ZFYVE28: variants seen among roughly 807,000 people sequenced by gnomAD.
ZFYVE28 encodes the protein zinc finger FYVE-type containing 28.
Under a neutral mutation model 82.1 loss-of-function variants are expected in ZFYVE28, and 40 were observed. That is an observed-to-expected ratio of 0.49 (90% CI 0.38 to 0.63). ZFYVE28 has a LOEUF of 0.63. Ranked by LOEUF, ZFYVE28 falls within the 30% of genes least tolerant of loss-of-function variation. The pLI is 0.00. For missense variants in ZFYVE28, 1,321 were observed against 1,242.1 expected (o/e 1.06, Z -0.96); for synonymous variants, 612 against 546.1 (o/e 1.12, Z -1.68).
rs192640959 is a variant in ZFYVE28, at chr4:2,398,142, C to A, written c.39+20143G>T. ...CGGCTGGAGATACAAGTGTGAGGCA[C>A]CAAGGGCAAGGGACCTAGAGCTGGT... On this transcript the variant is annotated intron_variant, in intron 1 of 12. Transcript: ENST00000290974. 3.7e-4 allele frequency among the ~76,000 whole-genome samples: 57 copies of A among 152,276 alleles called. 1 individual carries two copies. The highest frequency in any genetic ancestry group is 3.4e-3 in the Admixed American group (52 of 15,306).
chr4:2,280,899 G>A (rs974788769), intron 8 of ZFYVE28, among the ~76,000 whole-genome samples: 3 of 152,256 alleles, frequency 2.0e-5, no homozygotes, highest in Non-Finnish European at 4.4e-5. Flanking sequence ...CCCTGGAGAT[G>A]AGAAATCAGG....
rs1718861465 is a variant in ZFYVE28, at chr4:2,320,141, TC to T, written c.803+28del. 7.0e-6 allele frequency: 5 copies of T among 712,790 alleles called. No homozygotes were observed. The highest frequency in any genetic ancestry group is 1.2e-5 in the Non-Finnish European group (5 of 434,490). The allele number at this position is 712,790 out of a possible 1,614,324, so 44.2% of individuals were successfully genotyped here. ...CTGTGGCCCTCCTGTCCCCCTCCCC[TC>T]CCCCACCTCCTCTAGCTCCATCCCC... On this transcript the variant is annotated intron_variant, in intron 7 of 12. Transcript: ENST00000290974. This position sits in a 1 kb window ranked among gnomAD's most constrained non-coding sequence, Gnocchi z 5.1.
At position 2,409,151 on chromosome 4, in the gene ZFYVE28, TAC is replaced by T. The variant is rs1444930099; in HGVS notation, c.39+9132_39+9133del. 7.5e-6 allele frequency among the ~76,000 whole-genome samples: 1 copy of T among 132,908 alleles called. No homozygotes were observed. The highest frequency in any genetic ancestry group is 1.6e-5 in the Non-Finnish European group (1 of 63,268). The allele number at this position is 132,908 out of a possible 152,430, so 87.2% of individuals were successfully genotyped here. A position where few individuals can be genotyped will look rare whatever the true frequency, so the allele number is the denominator to read the frequency against. ...CCATCAAACACACTGTCCAAACCCCTACTTCTGCACCCCCATCTCCACCCTCC... is the reference window on the plus strand; with the variant it reads ...CCATCAAACACACTGTCCAAACCCCTTTCTGCACCCCCATCTCCACCCTCC... On this transcript the variant is annotated intron_variant, in intron 1 of 12. Transcript: ENST00000290974. This position sits in a 1 kb window ranked among gnomAD's most constrained non-coding sequence, Gnocchi z 4.4.
At chr4:2,330,371 G>A in intron 6 of ZFYVE28, 1 of 1,001,088 alleles carries the variant, frequency 1.0e-6, no homozygotes, top group Non-Finnish European at 1.2e-6. Context: ...CATCGCAGAG[G>A]GAGGTACAGC....
chr4:2,353,058 G>C (rs1053482846), intron 2 of ZFYVE28, among the ~76,000 whole-genome samples: 66 of 152,242 alleles, frequency 4.3e-4, no homozygotes, highest in Non-Finnish European at 8.2e-4. Context: ...CAGAACATCT[G>C]TGGGAACATC....
At chr4:2,381,213 A>C (rs1489076948) in intron 1 of ZFYVE28, among the ~76,000 whole-genome samples, 1 of 152,182 alleles carries the variant, frequency 6.6e-6, no homozygotes, top group Non-Finnish European at 1.5e-5. Context: ...TAGCGAAGAG[A>C]CTGGCAGCAT....
intron 8 of ZFYVE28, among the ~76,000 whole-genome samples, chr4:2,293,974 G>T (rs996204545): frequency 1.3e-5 from 2 of 151,602 alleles, no homozygotes; most frequent in African/African-American, 2.4e-5. Context: ...AATAAATAAA[G>T]AGATATACTA....
chr4:2,301,782 T>G lies in ZFYVE28; in HGVS notation c.2051+2507A>C, dbSNP rs949902933. ...TCGGAGAAAAACGATCCATTGCCAG[T>G]GAACTGGGTCTGAGCCCCTGAGGAA... On this transcript the variant is annotated intron_variant, in intron 8 of 12. Coordinates refer to ENST00000290974, the MANE Select transcript of ZFYVE28 (RefSeq NM_020972.3). 7.2e-5 allele frequency among the ~76,000 whole-genome samples: 11 copies of G among 152,278 alleles called. No individual in the cohort carries two copies. The East Asian group carries it at 1.2e-3, about 16-fold the overall frequency.
Position 2,305,026 on chromosome 4 carries a change from C to G in ZFYVE28, c.1314G>C (p.Gln438His). The G allele has an allele frequency of 1.2e-6, 2 of 1,612,788 alleles. No homozygotes were observed. Among genetic ancestry groups the G allele is most frequent in the Non-Finnish European group, 1.7e-6 (2 of 1,179,902 alleles). Residue 438 changes from glutamine to histidine, a missense_variant, in exon 8 of 13, where the codon CAG becomes CAC. By Grantham distance (24) the Gln-to-His change is conservative. Transcript: ENST00000290974. Reference protein sequence around the residue: ...STWADPQEKGQGGPGGAAGIS... With the variant: ...STWADPQEKGHGGPGGAAGIS... The stretch of plus-strand genomic sequence containing the variant: ...TCCCCGCCGCTCCGCCTGGCCCACC[C>G]TGCCCTTTCTCCTGGGGGTCGGCCC...
In ZFYVE28 at chr4:2,335,117, C is replaced by A. The variant is rs76567014; in HGVS notation, c.701+588G>T. On this transcript the variant is annotated intron_variant, in intron 6 of 12. Transcript: ENST00000290974. This position sits in a 1 kb window ranked among gnomAD's most constrained non-coding sequence, Gnocchi z 5.8. ...GTTCACGTCCTTGAGCCCCACAGGA[C>A]CCTACAGGCTGCCTTGAGTTCCCTG... Among the ~76,000 whole-genome samples, 1 of 151,330 alleles carries A rather than the reference C, an allele frequency of 6.6e-6. No individual in the cohort carries two copies. The highest frequency in any genetic ancestry group is 1.5e-5 in the Non-Finnish European group (1 of 67,822).
intron 1 of ZFYVE28, chr4:2,364,613 G>A (rs1378594141): frequency 3.0e-6 from 3 of 985,388 alleles, no homozygotes; most frequent in Admixed American, 1.2e-4. Flanking sequence ...GTTCTTGGCC[G>A]CCTGTCCCCT....
In ZFYVE28 at chr4:2,341,694, C is replaced by A; in HGVS notation, c.181-79G>T. 1.3e-6 allele frequency: 2 copies of A among 1,551,474 alleles called. No homozygotes were observed. The highest frequency in any genetic ancestry group is 1.2e-5 in the South Asian group (1 of 83,226). Reference sequence around the variant, plus strand: ...GCCATGTACTGCTGGAAAACACGCACGGTGCATGTGACTGTTTTTTAGGAT... The same window carrying A: ...GCCATGTACTGCTGGAAAACACGCAAGGTGCATGTGACTGTTTTTTAGGAT... On this transcript the variant is annotated intron_variant, in intron 2 of 12. Transcript: ENST00000290974. This position sits in a 1 kb window ranked among gnomAD's most constrained non-coding sequence, Gnocchi z 4.5.
At chr4:2,356,684 G>C (rs1725381380) in intron 1 of ZFYVE28, among the ~76,000 whole-genome samples, 1 of 152,238 alleles carries the variant, frequency 6.6e-6, no homozygotes, top group African/African-American at 2.4e-5. Context: ...GTGGGGTTGG[G>C]AGGCAGGAGA....
In ZFYVE28 at chr4:2,365,199, C is replaced by T. The variant is rs943296346; in HGVS notation, c.40-11126G>A. ...GCGCGGGCGGCAGGGGTCAGGGTCT[C>T]CACATCTCCCCGGGTGGGCCACGCG... On this transcript the variant is annotated intron_variant, in intron 1 of 12. Coordinates refer to ENST00000290974, the MANE Select transcript of ZFYVE28 (RefSeq NM_020972.3). Among the ~76,000 whole-genome samples the T allele has an allele frequency of 2.6e-4, 40 of 151,824 alleles. 1 individual carries two copies. Among genetic ancestry groups the T allele is most frequent in the African/African-American group, 9.4e-4 (39 of 41,426 alleles).
In ZFYVE28 at chr4:2,395,329, C is replaced by T. The variant is rs140591133; in HGVS notation, c.39+22956G>A. 1.4e-4 allele frequency among the ~76,000 whole-genome samples: 22 copies of T among 152,334 alleles called. No homozygotes were observed. The East Asian group carries it at 3.5e-3, about 24-fold the overall frequency. ...CTAACATTTCATAATCCCTAACATA[C>T]TTAACTACACTGTTTCTCATCCAAG... On this transcript the variant is annotated intron_variant, in intron 1 of 12. Coordinates refer to ENST00000290974, the MANE Select transcript of ZFYVE28 (RefSeq NM_020972.3).
chr4:2,340,843 C>T (rs1722675881), intron 3 of ZFYVE28, among the ~76,000 whole-genome samples: 2 of 152,112 alleles, frequency 1.3e-5, no homozygotes, highest in African/African-American at 4.8e-5. Context: ...GATGAAGACT[C>T]CGCACCCCAG....
chr4:2,387,179 C>T (rs1485789936), intron 1 of ZFYVE28, among the ~76,000 whole-genome samples: 2 of 152,330 alleles, frequency 1.3e-5, no homozygotes, highest in African/African-American at 4.8e-5. Context: ...TCGCCACCAG[C>T]GGCCTAGGGT....
At chr4:2,396,723 C>A (rs28379122) in intron 1 of ZFYVE28, among the ~76,000 whole-genome samples, 2,000 of 7,864 alleles carry the variant, frequency 0.25, 696 homozygotes, top group African/African-American at 0.6. Flanking sequence ...TGCAGAGGGG[C>A]CACAAGGCGG....
rs1560280729 is a variant in ZFYVE28 at position 2,360,406 on chromosome 4, CA to C, written c.40-6334del. Among the ~76,000 whole-genome samples the C allele has an allele frequency of 9.3e-4, 141 of 151,734 alleles. 2 individuals carry two copies. Among genetic ancestry groups the C allele is most frequent in the Middle Eastern group, 3.4e-3 (1 of 294 alleles). ...AGCTGTAATCACACACACACACACA[CA>C]CACACACACACACACACACAGGCAC... On this transcript the variant is annotated intron_variant, in intron 1 of 12. Coordinates refer to ENST00000290974, the MANE Select transcript of ZFYVE28 (RefSeq NM_020972.3).
Sources: gnomAD v4.1 joint callset for allele counts (sites outside exome capture counted in the v4.1 genomes callset) on GRCh38, gnomAD v4.1.1 for gene constraint, Gnocchi (gnomAD v3.1) non-coding constraint, MANE v1.5 for transcripts, NCBI Gene and HGNC (gene_info 2026-07-23, HGNC 2026-07-21) for gene names.